FGGY: variants seen among roughly 807,000 people sequenced by gnomAD.
FGGY encodes FGGY carbohydrate kinase domain containing.
FGGY carries 72 observed loss-of-function variants against 71.3 expected under a neutral mutation model. The ratio of observed to expected loss-of-function variants is 1.01; its 90% CI spans 0.84 to 1.23. The LOEUF (loss-of-function observed/expected upper bound fraction) is 1.23. FGGY is among the 50% of genes most tolerant of loss of function. The pLI, the probability that FGGY is intolerant of heterozygous loss-of-function variation, is 0.00. For missense variants in FGGY, 668 were observed against 682.3 expected (o/e 0.98, Z 0.23); for synonymous variants, 251 against 250.3 (o/e 1.00, Z -0.02).
chr1:59,649,146 ACTGTAGC>A (rs2097130619), intron 11 of FGGY, among the ~76,000 whole-genome samples: 1 of 151,576 alleles, frequency 6.6e-6, no homozygotes, highest in African/African-American at 2.4e-5. Flanking sequence ...TGTTTTGGTT[ACTGTAGC>A]CTTGTAGTAT....
At chr1:59,328,390 A>G (rs1046697492) in intron 2 of FGGY, among the ~76,000 whole-genome samples, 1 of 152,222 alleles carries the variant, frequency 6.6e-6, no homozygotes, top group East Asian at 1.9e-4. Flanking sequence ...CAAACTTTTC[A>G]TTCTGTAGCT....
intron 12 of FGGY, among the ~76,000 whole-genome samples, chr1:59,662,162 A>G (rs549410875): frequency 1.1e-4 from 17 of 151,342 alleles, no homozygotes; most frequent in African/African-American, 4.1e-4. Context: ...TCTACTAAAA[A>G]TACAAAAATT....
At chr1:59,590,656 T>C (rs1327068626) in intron 8 of FGGY, among the ~76,000 whole-genome samples, 1 of 152,100 alleles carries the variant, frequency 6.6e-6, no homozygotes, top group Non-Finnish European at 1.5e-5. Flanking sequence ...ATAAATGTAA[T>C]CCAGCATATA....
At chr1:59,340,231 G>A (rs114523039) in intron 3 of FGGY, among the ~76,000 whole-genome samples, 162 bp downstream of exon 3, 89 of 152,306 alleles carry the variant, frequency 5.8e-4, no homozygotes, top group African/African-American at 2.1e-3. Flanking sequence ...AGAGCTTGGA[G>A]AGCAGTTGGT....
chr1:59,439,864 A>G (rs1300475748), intron 5 of FGGY, among the ~76,000 whole-genome samples: 1 of 152,080 alleles, frequency 6.6e-6, no homozygotes, highest in African/African-American at 2.4e-5. Flanking sequence ...GAAAACTTGG[A>G]CTGGGTGTGA....
chr1:59,631,992 G>A (rs1036123819), intron 10 of FGGY, among the ~76,000 whole-genome samples: 1 of 152,102 alleles, frequency 6.6e-6, no homozygotes, highest in Non-Finnish European at 1.5e-5. Context: ...GTGACAACAG[G>A]GTTTAGTGAG....
chr1:59,534,212 C>A (rs982415437), intron 7 of FGGY, among the ~76,000 whole-genome samples: 36 of 151,880 alleles, frequency 2.4e-4, no homozygotes, highest in African/African-American at 8.7e-4. Flanking sequence ...GATGCGATCA[C>A]CTAGAAGAAA....
chr1:59,315,450 A>T (rs577607496), intron 1 of FGGY: 3 of 100,828 alleles, frequency 3.0e-5, no homozygotes, highest in Non-Finnish European at 3.9e-5. Context: ...CCCTCTCCCC[A>T]CCACACTTCC....
intron 13 of FGGY, among the ~76,000 whole-genome samples, chr1:59,672,361 A>G (rs946426704): frequency 6.6e-6 from 1 of 152,238 alleles, no homozygotes; most frequent in African/African-American, 2.4e-5. Flanking sequence ...GCTAAGCACC[A>G]AGTGTGTGCC....
At chr1:59,598,911 G>T (rs1203201149) in intron 8 of FGGY, among the ~76,000 whole-genome samples, 2 of 152,186 alleles carry the variant, frequency 1.3e-5, no homozygotes, top group African/African-American at 2.4e-5. Flanking sequence ...ACACATTACA[G>T]ATGTATTTGT....
chr1:59,575,175 A>G (rs1352360882), intron 8 of FGGY, among the ~76,000 whole-genome samples: 2 of 152,178 alleles, frequency 1.3e-5, no homozygotes, highest in African/African-American at 4.8e-5. Context: ...TTTATTAACT[A>G]TAGTCACCAT....
chr1:59,552,906 C>T (rs1463771963), intron 7 of FGGY, among the ~76,000 whole-genome samples: 6 of 152,140 alleles, frequency 3.9e-5, no homozygotes, highest in Admixed American at 1.3e-4. Flanking sequence ...CTACTAGCAA[C>T]TTTTATTATA....
At chr1:59,652,502 T>G (rs2097173299) in intron 11 of FGGY, among the ~76,000 whole-genome samples, 1 of 144,858 alleles carries the variant, frequency 6.9e-6, no homozygotes, top group Admixed American at 6.9e-5. Context: ...TTTCATTCAT[T>G]TCATCTTCCA....
At chr1:59,390,171 C>A (rs1038230842) in intron 5 of FGGY, among the ~76,000 whole-genome samples, 6 of 152,214 alleles carry the variant, frequency 3.9e-5, no homozygotes, top group South Asian at 4.1e-4. Context: ...ATATTCTTTA[C>A]CCTTATTTTT....
Position 59,730,513 on chromosome 1 carries a change from C to T in FGGY, c.1513-27418C>T, listed in dbSNP as rs546681113. ...AGAATAGCACCTGACTCAAAGTAAG[C>T]GGGCCAATAAATAGTTGCTAATAGA... On this transcript the variant is annotated intron_variant, in intron 14 of 15. Coordinates refer to ENST00000303721, the MANE Select transcript of FGGY (RefSeq NM_018291.5). Among the ~76,000 whole-genome samples, 5 of 152,186 alleles carry T rather than the reference C, an allele frequency of 3.3e-5. No individual in the cohort carries two copies. The East Asian group carries it at 5.8e-4, about 18-fold the overall frequency.
chr1:59,628,616 G>C (rs1259678389), intron 10 of FGGY, among the ~76,000 whole-genome samples: 5 of 152,162 alleles, frequency 3.3e-5, no homozygotes, highest in Admixed American at 6.5e-5. Context: ...TGTAACTTTT[G>C]TGTAAATCTA....
At chr1:59,562,035 T>A (rs2095800258) in intron 8 of FGGY, among the ~76,000 whole-genome samples, 1 of 152,212 alleles carries the variant, frequency 6.6e-6, no homozygotes, top group South Asian at 2.1e-4. Context: ...ACTGTAGCTC[T>A]CACACACCAC....
In FGGY at chr1:59,434,723, G is replaced by A. The variant is rs115039840; in HGVS notation, c.555-22238G>A. On this transcript the variant is annotated intron_variant, in intron 5 of 15. Transcript: ENST00000303721. ...TCCTCAAAAGACGGGAGGAGTAAAT[G>A]AGCTTTCTGGGATCCATTTTACAAG... Among the ~76,000 whole-genome samples the A allele has an allele frequency of 5.0e-4, 76 of 152,242 alleles. 1 individual carries two copies. Among genetic ancestry groups the A allele is most frequent in the Non-Finnish European group, 1.0e-3 (68 of 68,018 alleles).
chr1:59,376,008 G>C (rs953208), intron 4 of FGGY, among the ~76,000 whole-genome samples: 1 of 149,398 alleles, frequency 6.7e-6, no homozygotes, highest in South Asian at 2.2e-4. Flanking sequence ...GGAACCTTTA[G>C]AAAGAGGCTG....
Sources: gnomAD v4.1 joint callset for allele counts (sites outside exome capture counted in the v4.1 genomes callset) on GRCh38, gnomAD v4.1.1 for gene constraint, MANE v1.5 for transcripts, NCBI Gene and HGNC (gene_info 2026-07-23, HGNC 2026-07-21) for gene names.